SUGT1: variants seen among roughly 807,000 people sequenced by gnomAD.
SUGT1 encodes protein SGT1 homolog.
Under a neutral mutation model 56.1 loss-of-function variants are expected in SUGT1, and 15 were observed. That is an observed-to-expected ratio of 0.27 (90% CI 0.18 to 0.41). The LOEUF is 0.41. Among genes scored for constraint, SUGT1 ranks in the 10% least tolerant of loss-of-function variants. The pLI, the probability that SUGT1 is intolerant of heterozygous loss-of-function variation, is 1.00. For synonymous variants in SUGT1, 123 were observed against 128.6 expected, an observed-to-expected ratio of 0.96 and a Z score of 0.30; for missense variants, 347 against 382.2, an observed-to-expected ratio of 0.91 and a Z score of 0.77.
In SUGT1 at chr13:52,680,001, C is replaced by T; in HGVS notation, c.746C>T (p.Ser249Phe). ...ADVKNLYPSS[S>F]PYTRNWDKLV... ...GTAAAGAACCTATATCCATCATCAT[C>T]TCCTTATACAAGAAATTGGGATAAA... Residue 249 changes from serine (S) to phenylalanine (F), a missense_variant, in exon 12 of 13, where the codon TCT (serine) becomes TTT (phenylalanine). By Grantham distance (155) the Ser-to-Phe change is radical. Coordinates refer to ENST00000310528, the MANE Select transcript of SUGT1 (RefSeq NM_006704.5). The T allele has an allele frequency of 1.3e-6, 2 of 1,597,920 alleles. No homozygotes were observed. Among genetic ancestry groups the T allele is most frequent in the Non-Finnish European group, 1.7e-6 (2 of 1,175,816 alleles).
intron 10 of SUGT1, 65 bp downstream of exon 10, chr13:52,666,984 A>G (rs1354203435): frequency 4.7e-6 from 5 of 1,068,574 alleles, no homozygotes; most frequent in Non-Finnish European, 7.1e-6. Context: ...TGGTGAACTA[A>G]TCACCCATGT....
At position 52,655,990 on chromosome 13, in the gene SUGT1, A is replaced by G. The variant is rs530428983; in HGVS notation, c.97-1542A>G. 3.3e-5 allele frequency among the ~76,000 whole-genome samples: 5 copies of G among 152,336 alleles called. No homozygotes were observed. The East Asian group carries it at 9.6e-4, about 29-fold the overall frequency. On this transcript the variant is annotated intron_variant, in intron 2 of 12. Transcript: ENST00000310528. The stretch of plus-strand genomic sequence containing the variant: ...CCCAAGGAGAACATTAGTTTTTAAG[A>G]GGCAGCAGAATGGTAAGCTGAAAGG...
chr13:52,676,131 C>A lies in SUGT1; in HGVS notation c.628-99C>A, dbSNP rs570562930. 33 of 824,332 alleles carry A rather than the reference C, an allele frequency of 4.0e-5. No homozygotes were observed. The South Asian group carries it at 7.3e-4, about 18-fold the overall frequency. The allele number at this position is 824,332 out of a possible 1,614,324, so 51.1% of individuals were successfully genotyped here. On this transcript the variant is annotated intron_variant, in intron 10 of 12. Transcript: ENST00000310528. ...TAATTTAAGGAAACTGTCAAAGATA[C>A]TATTCTTAACAAAACTTTGATGACT...
At chr13:52,653,966 A>C (rs989443334) in intron 2 of SUGT1, among the ~76,000 whole-genome samples, 8 of 152,202 alleles carry the variant, frequency 5.3e-5, no homozygotes, top group African/African-American at 1.9e-4. Context: ...GAGATCTTTG[A>C]GTGGAGATTT....
chr13:52,665,915 G>C (rs796320319), intron 9 of SUGT1, among the ~76,000 whole-genome samples, 182 bp downstream of exon 9: 7 of 152,274 alleles, frequency 4.6e-5, no homozygotes, highest in South Asian at 2.1e-4. Flanking sequence ...GTAAATTATA[G>C]CTGGATGTGC....
At position 52,653,070 on chromosome 13, in the gene SUGT1, C is replaced by T; in HGVS notation, c.63C>T (p.Ala21=). 1 of 1,614,122 alleles carries T rather than the reference C, an allele frequency of 6.2e-7. No individual in the cohort carries two copies. The highest frequency in any genetic ancestry group is 8.5e-7 in the Non-Finnish European group (1 of 1,180,024). ...GGTTTTTCCAGAGCTTCTCGGATGC[C>T]CTAATCGACGAGGACCCCCAGGCGG... ...SQRFFQSFSD[A]LIDEDPQAAL... is the part of the protein sequence containing the mutation. The change falls in exon 2 of 13, where the codon GCC becomes GCT. Residue 21 remains alanine, a synonymous_variant. Coordinates refer to ENST00000310528, the MANE Select transcript of SUGT1 (RefSeq NM_006704.5).
chr13:52,662,162 G>A (rs1434125847), intron 5 of SUGT1, among the ~76,000 whole-genome samples: 19 of 152,162 alleles, frequency 1.2e-4, no homozygotes, highest in Admixed American at 1.2e-3. Context: ...GGAAAGGCAT[G>A]GTAACAGATA....
intron 12 of SUGT1, among the ~76,000 whole-genome samples, chr13:52,686,402 G>C (rs1374824627): frequency 6.6e-6 from 1 of 152,202 alleles, no homozygotes. Flanking sequence ...GCAGATCTAA[G>C]AAGATAGAAC....
chr13:52,661,504 G>GC, intron 5 of SUGT1: 1 of 351,746 alleles, frequency 2.8e-6, no homozygotes, highest in Non-Finnish European at 5.6e-6. Flanking sequence ...TGTTGGCCAG[G>GC]CTGGTCTCCA....
Position 52,680,135 on chromosome 13 carries a change from C to T in SUGT1, c.880C>T (p.Arg294Cys), listed in dbSNP as rs372414324. 12 of 1,581,822 alleles carry T rather than the reference C, an allele frequency of 7.6e-6. No homozygotes were observed. The highest frequency in any genetic ancestry group is 2.0e-5 in the Admixed American group (1 of 51,150). ...IYSDGSDEVK[R>C]AMNKSFMESG... ...TTCAGATGGTTCTGATGAAGTGAAA[C>T]GTGCCATGAACAAATCCTTTGTAAG... is the stretch of plus-strand genomic sequence containing the variant. The change falls in exon 12 of 13, where the codon CGT becomes TGT. Residue 294 changes from arginine to cysteine, a missense_variant. Coordinates refer to ENST00000310528, the MANE Select transcript of SUGT1 (RefSeq NM_006704.5).
rs1326857620 is a variant in SUGT1, at chr13:52,693,153, G to C, written c.*5318G>C. ...ATATATTTGAATTTTGGCTTGTCTG[G>C]AGTCTTAAATATTTGGTATGCCTTC... On this transcript the variant is annotated 3_prime_UTR_variant, in exon 13 of 13. Coordinates refer to ENST00000310528, the MANE Select transcript of SUGT1 (RefSeq NM_006704.5). 1 of 151,552 alleles carries C rather than the reference G, an allele frequency of 6.6e-6. No homozygotes were observed. Among genetic ancestry groups the C allele is most frequent in the Non-Finnish European group, 1.5e-5 (1 of 67,958 alleles). The allele number at this position is 151,552 out of a possible 1,614,324, so 9.4% of individuals were successfully genotyped here.
intron 2 of SUGT1, among the ~76,000 whole-genome samples, chr13:52,653,809 A>G (rs1962033423): frequency 6.6e-6 from 1 of 152,006 alleles, no homozygotes; most frequent in African/African-American, 2.4e-5. Context: ...GAATTTAGCC[A>G]GGAGTTTTTG....
intron 10 of SUGT1, among the ~76,000 whole-genome samples, chr13:52,671,983 T>A (rs1962965119): frequency 6.6e-6 from 1 of 152,220 alleles, no homozygotes; most frequent in African/African-American, 2.4e-5. Context: ...CAATCTTTTT[T>A]AATAGGGTGA....
Position 52,689,898 on chromosome 13 carries a change from G to T in SUGT1, c.*2063G>T, listed in dbSNP as rs997077274. On this transcript the variant is annotated 3_prime_UTR_variant, in exon 13 of 13. Transcript: ENST00000310528. Reference sequence around the variant, plus strand: ...GCAGGGAGAATTGCTTGAACCGGGAGGCAGGGGGTGCAGTGAGCCAAGATC... The same window carrying T: ...GCAGGGAGAATTGCTTGAACCGGGATGCAGGGGGTGCAGTGAGCCAAGATC... 1 of 151,992 alleles carries T rather than the reference G, an allele frequency of 6.6e-6. No individual in the cohort carries two copies. Among genetic ancestry groups the T allele is most frequent in the Non-Finnish European group, 1.5e-5 (1 of 68,044 alleles). 9.4% of individuals were successfully genotyped at this position (151,992 alleles called of 1,614,324 possible).
At position 52,697,352 on chromosome 13, in the gene SUGT1, T is replaced by G. The variant is rs1963969315; in HGVS notation, c.*9517T>G. 1 of 152,276 alleles carries G rather than the reference T, an allele frequency of 6.6e-6. No homozygotes were observed. The highest frequency in any genetic ancestry group is 2.4e-5 in the African/African-American group (1 of 41,458). The allele number at this position is 152,276 out of a possible 1,614,324, so 9.4% of individuals were successfully genotyped here. A position where few individuals can be genotyped will look rare whatever the true frequency, so the allele number is the denominator to read the frequency against. ...GTGTTTTAATTGAACGGACTGAAGT[T>G]TACTTTCTAACTAGGTTAGCCCTCC... On this transcript the variant is annotated 3_prime_UTR_variant, in exon 13 of 13. Coordinates refer to ENST00000310528, the MANE Select transcript of SUGT1 (RefSeq NM_006704.5).
intron 10 of SUGT1, among the ~76,000 whole-genome samples, chr13:52,675,177 G>A (rs1963095427): frequency 6.6e-6 from 1 of 152,126 alleles, no homozygotes; most frequent in Non-Finnish European, 1.5e-5. Flanking sequence ...ACAGTCAGGT[G>A]TGCTCTCTCC....
intron 12 of SUGT1, among the ~76,000 whole-genome samples, chr13:52,682,112 G>A (rs1254011155): frequency 1.3e-5 from 2 of 151,884 alleles, no homozygotes; most frequent in Admixed American, 6.6e-5. Context: ...TTTAGTTTCA[G>A]GTCTTATTAA....
chr13:52,679,417 C>G (rs1223517536), intron 11 of SUGT1, among the ~76,000 whole-genome samples: 3 of 151,894 alleles, frequency 2.0e-5, no homozygotes, highest in Admixed American at 6.6e-5. Flanking sequence ...CTGTTATTGC[C>G]TATTAAAATA....
chr13:52,683,234 C>G (rs1210046370), intron 12 of SUGT1, among the ~76,000 whole-genome samples: 3 of 152,064 alleles, frequency 2.0e-5, no homozygotes, highest in Non-Finnish European at 4.4e-5. Flanking sequence ...ATAATGTTAA[C>G]TGTAAATTTT....
Sources: allele counts gnomAD v4.1 joint callset (sites outside exome capture counted in the v4.1 genomes callset), GRCh38; gene constraint gnomAD v4.1.1; transcripts MANE v1.5; gene names NCBI Gene and HGNC (gene_info 2026-07-23, HGNC 2026-07-21).